The following VPS13C variants were observed in gnomAD, a reference collection of about 807,000 sequenced individuals.
VPS13C encodes the protein intermembrane lipid transfer protein VPS13C.
VPS13C carries 358 observed loss-of-function variants against 456.8 expected under a neutral mutation model. The ratio of observed to expected loss-of-function variants is 0.78; its 90% CI spans 0.72 to 0.86. VPS13C has a LOEUF of 0.86. Ranked by LOEUF, VPS13C falls within the 40% of genes least tolerant of loss-of-function variation. The pLI is 0.00. For synonymous variants in VPS13C, 1,578 were observed against 1,486.7 expected, an observed-to-expected ratio of 1.06 and a Z score of -1.41; for missense variants, 4,818 against 4,385.4, an observed-to-expected ratio of 1.10 and a Z score of -2.79.
intron 9 of VPS13C, among the ~76,000 whole-genome samples, chr15:62,015,598 A>G (rs2047208504): frequency 1.4e-5 from 2 of 145,130 alleles, no homozygotes; most frequent in Non-Finnish European, 3.0e-5. Context: ...ATGCAGCCAT[A>G]AAAAATGATG....
intron 56 of VPS13C, 82 bp downstream of exon 56, chr15:61,920,416 G>T: frequency 1.3e-6 from 2 of 1,486,936 alleles, no homozygotes; most frequent in Admixed American, 2.4e-5. Context: ...ACATTTTTTG[G>T]AAACTAATTT....
At chr15:61,982,686 T>C (rs576026089) in intron 20 of VPS13C, 113 bp from the exon 21 acceptor site, 2 of 663,618 alleles carry the variant, frequency 3.0e-6, no homozygotes, top group South Asian at 4.4e-5. Flanking sequence ...GTGGAACTCC[T>C]AAGATATTCT....
chr15:62,019,874 C>G (rs2047393638), intron 9 of VPS13C, among the ~76,000 whole-genome samples: 1 of 151,364 alleles, frequency 6.6e-6, no homozygotes, highest in Non-Finnish European at 1.5e-5. Flanking sequence ...TGAACCACAT[C>G]TTCCTCTCCA....
intron 51 of VPS13C, among the ~76,000 whole-genome samples, chr15:61,928,892 T>A (rs531733052): frequency 6.6e-5 from 9 of 136,616 alleles, no homozygotes; most frequent in South Asian, 2.3e-4. Context: ...TCGAAAAAAA[T>A]TTTAAAAAAA....
At chr15:61,945,395 T>C (rs2044569006) in intron 45 of VPS13C, among the ~76,000 whole-genome samples, 2 of 152,212 alleles carry the variant, frequency 1.3e-5, no homozygotes, top group African/African-American at 2.4e-5. Context: ...CTCAAAAAAT[T>C]GTTTTAACTA....
chr15:61,878,473 G>A (rs1014865464), intron 74 of VPS13C, 134 bp downstream of exon 74: 2 of 1,166,894 alleles, frequency 1.7e-6, no homozygotes, highest in Admixed American at 3.1e-5. Flanking sequence ...AATCACAAAT[G>A]AACCAAATTC....
At chr15:61,862,723 G>C (rs771226259) in intron 82 of VPS13C, among the ~76,000 whole-genome samples, 1 of 152,046 alleles carries the variant, frequency 6.6e-6, no homozygotes, top group African/African-American at 2.4e-5. Flanking sequence ...TGAGGATTCT[G>C]ACATGACTGG....
chr15:62,012,548 T>C (rs956481696), intron 11 of VPS13C, among the ~76,000 whole-genome samples: 1 of 151,940 alleles, frequency 6.6e-6, no homozygotes, highest in African/African-American at 2.4e-5. Context: ...GTTCTAAAAA[T>C]TGAATTGTTC....
In VPS13C at chr15:61,890,319, G is replaced by C; in HGVS notation, c.9187C>G (p.Leu3063Val). The C allele has an allele frequency of 6.2e-7, 1 of 1,614,026 alleles. No individual in the cohort carries two copies. Residue 3063 changes from leucine (L) to valine (V), a missense_variant, in exon 67 of 85, where the codon CTT (leucine) becomes GTT (valine). Physicochemically the swap from Leu to Val is conservative, Grantham distance 32. Around this residue, in one of 3 missense-constraint regions of VPS13C, gnomAD observed 4,552 missense variants for 4,130.6 expected, o/e 1.10. Transcript: ENST00000644861. ...SFLDGRQRVLLFTDDVALVSK... is the reference protein window; with the variant it reads ...SFLDGRQRVLVFTDDVALVSK... ...ACCAAGGCAACATCATCGGTGAAAA[G>C]CAAAACTCTCTGGCGCCCATCCAGA...
chr15:61,884,537 T>C (rs1463040172), intron 67 of VPS13C, among the ~76,000 whole-genome samples: 2 of 152,016 alleles, frequency 1.3e-5, no homozygotes, highest in African/African-American at 4.8e-5. Context: ...AAATAGTAAA[T>C]ATTTTAGGCT....
At chr15:61,916,069 A>C in intron 60 of VPS13C, 47 bp from the exon 61 acceptor site, 3 of 1,508,190 alleles carry the variant, frequency 2.0e-6, no homozygotes, top group Non-Finnish European at 2.6e-6. Flanking sequence ...AAAACTCTGA[A>C]ATAACAAAAT....
In VPS13C at chr15:61,971,059, A is replaced by T. The variant is rs558467465; in HGVS notation, c.2757+1566T>A. ...CTGGTAATAATGGCACATGATCAAT[A>T]CCTATTGAAGGGATAGATGGAATAT... is the stretch of plus-strand genomic sequence containing the variant. On this transcript the variant is annotated intron_variant, in intron 27 of 84. Transcript: ENST00000644861. Among the ~76,000 whole-genome samples the T allele has an allele frequency of 3.0e-4, 45 of 152,210 alleles. 2 individuals carry two copies. The South Asian group carries it at 9.1e-3, about 31-fold the overall frequency.
chr15:62,017,527 A>G (rs1316296774), intron 9 of VPS13C, among the ~76,000 whole-genome samples: 4 of 152,178 alleles, frequency 2.6e-5, no homozygotes, highest in African/African-American at 7.2e-5. Flanking sequence ...TCCCAGCACC[A>G]TTTGTTAAAT....
chr15:62,018,834 A>G (rs1292072606), intron 9 of VPS13C, among the ~76,000 whole-genome samples: 2 of 151,912 alleles, frequency 1.3e-5, no homozygotes, highest in Admixed American at 6.6e-5. Flanking sequence ...CTCTTTTTCT[A>G]TTGATTGGAA....
At chr15:62,034,896 T>C (rs1336008971) in intron 4 of VPS13C, 61 bp downstream of exon 4, 4 of 1,142,294 alleles carry the variant, frequency 3.5e-6, no homozygotes. Context: ...AATACTTAAC[T>C]CAGATAACAA....
chr15:62,018,682 G>A lies in VPS13C; in HGVS notation c.684+1797C>T, dbSNP rs371592926. Among the ~76,000 whole-genome samples the A allele has an allele frequency of 6.3e-4, 96 of 151,906 alleles. 4 individuals are homozygous for A. The East Asian group carries it at 0.01, about 17-fold the overall frequency. ...AGCTTTTTGATGTGCTGCTGGATTC[G>A]GTTTGCCAGTATTTTATTGAGGATT... On this transcript the variant is annotated intron_variant, in intron 9 of 84. Transcript: ENST00000644861.
chr15:61,954,940 G>T (rs2044936043), intron 37 of VPS13C, among the ~76,000 whole-genome samples: 1 of 152,080 alleles, frequency 6.6e-6, no homozygotes, highest in Non-Finnish European at 1.5e-5. Context: ...ACCAGGGAAT[G>T]ATAACACATG....
At chr15:61,927,435 G>A (rs2043893063) in intron 51 of VPS13C, 115 bp from the exon 52 acceptor site, 3 of 736,438 alleles carry the variant, frequency 4.1e-6, no homozygotes, top group South Asian at 1.8e-5. Context: ...CAGATATGGT[G>A]AAACTGACAA....
chr15:61,861,234 G>A (rs1351420008), intron 82 of VPS13C, among the ~76,000 whole-genome samples: 1 of 151,944 alleles, frequency 6.6e-6, no homozygotes, highest in Non-Finnish European at 1.5e-5. Context: ...AAAGTGCTGG[G>A]ATTACAGGCT....
Sources: allele counts gnomAD v4.1 joint callset (sites outside exome capture counted in the v4.1 genomes callset), GRCh38; gene constraint gnomAD v4.1.1; regional missense constraint gnomAD v4.1.1; transcripts MANE v1.5; gene names NCBI Gene and HGNC (gene_info 2026-07-23, HGNC 2026-07-21).